The following UBE3D variants were observed in gnomAD, a reference collection of about 807,000 sequenced individuals.
The protein encoded by UBE3D is ubiquitin protein ligase E3D, also known as E3 ubiquitin-protein ligase E3D.
UBE3D carries 48 observed loss-of-function variants against 49.6 expected under a neutral mutation model. That is an observed-to-expected ratio of 0.97 (90% CI 0.77 to 1.23). The LOEUF is 1.23. UBE3D is among the 50% of genes most tolerant of loss of function. The probability of loss-of-function intolerance (pLI) is 0.00; values close to 1 mark genes in which losing one functional copy is unlikely to be tolerated. For synonymous variants in UBE3D, 189 were observed against 174.2 expected (o/e 1.08, Z -0.67); for missense variants, 452 against 468.4 (o/e 0.96, Z 0.32).
intron 8 of UBE3D, among the ~76,000 whole-genome samples, chr6:83,006,326 T>C (rs1182508506): frequency 6.6e-6 from 1 of 152,212 alleles, no homozygotes; most frequent in Admixed American, 6.5e-5. Context: ...GTCCTTGTAT[T>C]TGGAGATAGG....
chr6:82,919,575 G>A (rs1455884564), intron 9 of UBE3D, among the ~76,000 whole-genome samples: 2 of 151,580 alleles, frequency 1.3e-5, no homozygotes, highest in Admixed American at 6.6e-5. Flanking sequence ...CAGCCTGGGC[G>A]ACACAGCAAG....
intron 2 of UBE3D, among the ~76,000 whole-genome samples, chr6:83,054,778 G>C (rs549707635): frequency 6.6e-6 from 1 of 152,038 alleles, no homozygotes; most frequent in Non-Finnish European, 1.5e-5. Flanking sequence ...AGCCTCCCGC[G>C]TAGCTGGGAT....
chr6:82,934,020 T>C (rs184578855), intron 9 of UBE3D, among the ~76,000 whole-genome samples: 2 of 152,312 alleles, frequency 1.3e-5, no homozygotes, highest in East Asian at 3.9e-4. Context: ...GTAATCCCCA[T>C]AATCCCCAAG....
chr6:82,973,507 T>C (rs1374968885), intron 8 of UBE3D, among the ~76,000 whole-genome samples: 1 of 152,190 alleles, frequency 6.6e-6, no homozygotes, highest in Non-Finnish European at 1.5e-5. Context: ...CTTTAAAACC[T>C]AAGAAGAATT....
intron 1 of UBE3D, among the ~76,000 whole-genome samples, chr6:83,060,340 T>C (rs1015219959): frequency 1.3e-5 from 2 of 152,172 alleles, no homozygotes; most frequent in African/African-American, 2.4e-5. Context: ...TGTGGGAGAA[T>C]GGAGTTACAA....
intron 9 of UBE3D, among the ~76,000 whole-genome samples, chr6:82,895,898 T>C (rs1771281738): frequency 6.6e-6 from 1 of 152,230 alleles, no homozygotes; most frequent in Non-Finnish European, 1.5e-5. Context: ...TGCCTGCGAA[T>C]ATGAACTCAA....
chr6:83,013,831 T>A (rs1188784814), intron 8 of UBE3D, among the ~76,000 whole-genome samples: 2 of 152,186 alleles, frequency 1.3e-5, no homozygotes, highest in African/African-American at 2.4e-5. Context: ...TACTTCTTGA[T>A]TACTGGATTC....
chr6:82,995,510 A>ACACACACG (rs766604234), intron 8 of UBE3D, among the ~76,000 whole-genome samples: 16,367 of 151,612 alleles, frequency 0.11, 917 homozygotes, highest in Non-Finnish European at 0.13. Context: ...ACACACACAC[A>ACACACACG]CACACAGTCA....
At chr6:83,037,739 C>T (rs1489874406) in intron 5 of UBE3D, 1 of 152,058 alleles carries the variant, frequency 6.6e-6, no homozygotes, top group Admixed American at 6.6e-5. Context: ...CACTATAAAC[C>T]ATATCTTTAA....
chr6:83,006,969 G>GA (rs201204210), intron 8 of UBE3D, among the ~76,000 whole-genome samples: 2,648 of 151,548 alleles, frequency 0.017, 44 homozygotes, highest in Admixed American at 0.057. Flanking sequence ...CTGAAATAAA[G>GA]AAAAAAAGAT....
chr6:82,993,724 A>G (rs568236467), intron 8 of UBE3D, among the ~76,000 whole-genome samples: 2 of 152,276 alleles, frequency 1.3e-5, no homozygotes, highest in East Asian at 1.9e-4. Context: ...ACATTCTCCA[A>G]TCTTCTTCCT....
At chr6:82,967,521 C>G (rs1431255016) in intron 8 of UBE3D, among the ~76,000 whole-genome samples, 1 of 152,144 alleles carries the variant, frequency 6.6e-6, no homozygotes, top group East Asian at 1.9e-4. Context: ...TTCTTCATCT[C>G]TATAATTTTG....
At chr6:82,901,184 T>C (rs1771705514) in intron 9 of UBE3D, among the ~76,000 whole-genome samples, 1 of 152,140 alleles carries the variant, frequency 6.6e-6, no homozygotes, top group Admixed American at 6.6e-5. Context: ...ATGTAATATG[T>C]ATTGTGGTAA....
At chr6:82,919,520 C>T (rs1198689586) in intron 9 of UBE3D, among the ~76,000 whole-genome samples, 1 of 151,858 alleles carries the variant, frequency 6.6e-6, no homozygotes, top group Non-Finnish European at 1.5e-5. Flanking sequence ...GGTGTGAACC[C>T]AGGAGGTGGA....
chr6:82,982,975 G>A (rs543360221), intron 8 of UBE3D, among the ~76,000 whole-genome samples: 6 of 151,824 alleles, frequency 4.0e-5, no homozygotes, highest in Admixed American at 6.6e-5. Flanking sequence ...CAAATGTACT[G>A]ACCAATGAAA....
intron 8 of UBE3D, among the ~76,000 whole-genome samples, chr6:82,964,600 T>A (rs954032362): frequency 6.6e-6 from 1 of 152,210 alleles, no homozygotes; most frequent in Non-Finnish European, 1.5e-5. Context: ...AAATTTTAGA[T>A]GCTCACTTTC....
At chr6:82,918,137 T>C (rs1372924521) in intron 9 of UBE3D, among the ~76,000 whole-genome samples, 7 of 152,156 alleles carry the variant, frequency 4.6e-5, no homozygotes, top group Non-Finnish European at 8.8e-5. Context: ...AGAATTGAAA[T>C]GGATGCAGGG....
chr6:82,974,820 A>G (rs1777603462), intron 8 of UBE3D, among the ~76,000 whole-genome samples: 1 of 152,026 alleles, frequency 6.6e-6, no homozygotes, highest in South Asian at 2.1e-4. Flanking sequence ...AAAACATCAT[A>G]TTGTGAATAT....
intron 9 of UBE3D, among the ~76,000 whole-genome samples, chr6:82,942,266 G>A (rs994282232): frequency 1.3e-5 from 2 of 152,172 alleles, no homozygotes; most frequent in Admixed American, 6.5e-5. Context: ...CTAGAGATCT[G>A]TGGAACTTTG....
Sources: gnomAD v4.1 joint callset for allele counts (sites outside exome capture counted in the v4.1 genomes callset) on GRCh38, gnomAD v4.1.1 for gene constraint, MANE v1.5 for transcripts, NCBI Gene and HGNC (gene_info 2026-07-23, HGNC 2026-07-21) for gene names.